The following ZNF540 variants were observed in gnomAD, a reference collection of about 807,000 sequenced individuals.
ZNF540 encodes the protein zinc finger protein 540.
ZNF540 carries 3 observed loss-of-function variants against 11.8 expected under a neutral mutation model. The ratio of observed to expected loss-of-function variants is 0.25; its 90% CI spans 0.12 to 0.65. ZNF540 has a LOEUF of 0.65. Among genes scored for constraint, ZNF540 ranks in the 30% least tolerant of loss-of-function variants. The pLI is 0.83. For missense variants in ZNF540, 709 were observed against 793.1 expected, an observed-to-expected ratio of 0.89 and a Z score of 1.27; for synonymous variants, 247 against 259.0, an observed-to-expected ratio of 0.95 and a Z score of 0.45.
chr19:37,576,843 T>C (rs2043259298), intron 1 of ZNF540, among the ~76,000 whole-genome samples: 1 of 152,140 alleles, frequency 6.6e-6, no homozygotes, highest in Non-Finnish European at 1.5e-5. Flanking sequence ...CAGAGTAACT[T>C]TGTTAATTCA....
intron 1 of ZNF540, chr19:37,560,876 G>A (rs1415491677): frequency 2.0e-5 from 3 of 151,828 alleles, no homozygotes; most frequent in African/African-American, 7.3e-5. Context: ...TGCTGAAAGA[G>A]TTAACAGTTA....
intron 1 of ZNF540, among the ~76,000 whole-genome samples, chr19:37,574,539 GAACTC>G (rs1355071150): frequency 6.6e-6 from 1 of 151,986 alleles, no homozygotes; most frequent in Non-Finnish European, 1.5e-5. Context: ...TATAACATTA[GAACTC>G]AACTAATAAC....
intron 1 of ZNF540, chr19:37,563,244 T>C (rs1471356970): frequency 3.3e-5 from 5 of 151,780 alleles, no homozygotes; most frequent in African/African-American, 7.3e-5. Context: ...GGTTGGAGGA[T>C]AGCTTGAGCC....
rs1290362936 is a variant in ZNF540, at chr19:37,611,734, G to A, written c.454G>A (p.Asp152Asn). Residue 152 changes from aspartate to asparagine, a missense_variant, in exon 5 of 5, where the codon GAT (aspartate) becomes AAT (asparagine). By Grantham distance (23) the Asp-to-Asn change is conservative. Coordinates refer to ENST00000316433, the MANE Select transcript of ZNF540 (RefSeq NM_001172225.3). Reference sequence around the variant, plus strand: ...AATCGTCTCTAAAAAAATGTCAACTGATAGAAAACGTCCCTCTTTTACTCT... The same window carrying A: ...AATCGTCTCTAAAAAAATGTCAACTAATAGAAAACGTCCCTCTTTTACTCT... ...KKIVSKKMST[D>N]RKRPSFTLNQ... The A allele has an allele frequency of 1.2e-6, 2 of 1,613,910 alleles. No individual in the cohort carries two copies. The highest frequency in any genetic ancestry group is 2.2e-5 in the South Asian group (2 of 91,060).
intron 1 of ZNF540, among the ~76,000 whole-genome samples, chr19:37,573,529 A>C (rs1416943134): frequency 6.6e-6 from 1 of 152,124 alleles, no homozygotes; most frequent in Non-Finnish European, 1.5e-5. Flanking sequence ...TTATCTACTA[A>C]TTGAAAATAA....
At chr19:37,606,042 C>T (rs994031849) in intron 4 of ZNF540, among the ~76,000 whole-genome samples, 10 of 152,154 alleles carry the variant, frequency 6.6e-5, no homozygotes, top group Non-Finnish European at 1.2e-4. Flanking sequence ...ACTTCCATCA[C>T]CCCCAAAACT....
chr19:37,593,538 CT>C (rs1445558161), upstream of ZNF540, among the ~76,000 whole-genome samples: 5 of 152,086 alleles, frequency 3.3e-5, no homozygotes, highest in Non-Finnish European at 5.9e-5. Context: ...CTCGTCTCTA[CT>C]AAAAACACAA....
intron 1 of ZNF540, among the ~76,000 whole-genome samples, chr19:37,573,001 ATC>A: frequency 1.3e-5 from 2 of 152,334 alleles, no homozygotes; most frequent in East Asian, 3.8e-4. Flanking sequence ...AGCTTCTTTC[ATC>A]ACATGATTGA....
chr19:37,552,012 GTTTC>G, intron 1 of ZNF540, among the ~76,000 whole-genome samples: 1 of 152,006 alleles, frequency 6.6e-6, no homozygotes, highest in Middle Eastern at 3.2e-3. Flanking sequence ...AGTCTCACCT[GTTTC>G]TTTAAGTGGG....
At chr19:37,580,514 G>A (rs2043417613) in intron 1 of ZNF540, among the ~76,000 whole-genome samples, 1 of 152,188 alleles carries the variant, frequency 6.6e-6, no homozygotes, top group African/African-American at 2.4e-5. Flanking sequence ...CATCTGCTAT[G>A]GTTTGGATGT....
intron 1 of ZNF540, among the ~76,000 whole-genome samples, chr19:37,583,289 T>C (rs911825777): frequency 6.6e-6 from 1 of 152,132 alleles, no homozygotes; most frequent in Non-Finnish European, 1.5e-5. Flanking sequence ...AGTTTAACTA[T>C]AAAAGAGCAA....
In ZNF540 at chr19:37,609,585, T is replaced by C. The variant is rs148542049; in HGVS notation, c.233-1928T>C. On this transcript the variant is annotated intron_variant, in intron 4 of 4. Transcript: ENST00000316433. ...TAGAGTGGCCGGGCGCAGTGGCTCA[T>C]GCCTGGAATCCCAGCTCTTTGGGAG... Among the ~76,000 whole-genome samples, 1,188 of 148,378 alleles carry C rather than the reference T, an allele frequency of 8.0e-3. 7 individuals carry two copies. The highest frequency in any genetic ancestry group is 0.014 in the Non-Finnish European group (913 of 67,422).
Position 37,569,896 on chromosome 19 carries a change from C to T in ZNF540, c.-73+18231C>T, listed in dbSNP as rs2042995490. On this transcript the variant is annotated intron_variant, in intron 1 of 4. Transcript: ENST00000592533. This position sits in a 1 kb window ranked among gnomAD's most constrained non-coding sequence, Gnocchi z 4.4. ...ACCATTGCACTTCCTGAGAAGCTGT[C>T]CCCAATCCCAGGCTCCTAGCAATGC... is the stretch of plus-strand genomic sequence containing the variant. 1 of 152,266 alleles carries T rather than the reference C, an allele frequency of 6.6e-6. No homozygotes were observed. The highest frequency in any genetic ancestry group is 1.5e-5 in the Non-Finnish European group (1 of 68,112). 9.4% of individuals were successfully genotyped at this position (152,266 alleles called of 1,614,324 possible). A position where few individuals can be genotyped will look rare whatever the true frequency, so the allele number is the denominator to read the frequency against.
intron 1 of ZNF540, among the ~76,000 whole-genome samples, chr19:37,553,716 A>G (rs2042632208): frequency 3.2e-5 from 1 of 31,112 alleles, no homozygotes; most frequent in African/African-American, 1.4e-4. Context: ...TACATATTAT[A>G]CCCTATCGTA....
chr19:37,611,195 ATT>A lies in ZNF540; in HGVS notation c.233-308_233-307del, dbSNP rs34748868. On this transcript the variant is annotated intron_variant, in intron 4 of 4. Coordinates refer to ENST00000316433, the MANE Select transcript of ZNF540 (RefSeq NM_001172225.3). Reference sequence around the variant, plus strand: ...TGCCATGATGCTCGGCCAATTTTGTATTTTTTTTTTTAGGAGAAATGGGGTTT... The same window carrying A: ...TGCCATGATGCTCGGCCAATTTTGTATTTTTTTTTAGGAGAAATGGGGTTT... 4.9e-3 allele frequency: 766 copies of A among 155,066 alleles called. 7 individuals are homozygous for A. The highest frequency in any genetic ancestry group is 0.014 in the African/African-American group (574 of 40,800). 9.6% of individuals were successfully genotyped at this position (155,066 alleles called of 1,614,324 possible).
intron 4 of ZNF540, 151 bp downstream of exon 4, chr19:37,601,256 C>G: frequency 3.5e-6 from 2 of 564,486 alleles, no homozygotes; most frequent in Non-Finnish European, 6.1e-6. Context: ...GGGAAGAAAA[C>G]AGATCATCTG....
At chr19:37,586,281 T>C (rs2043670666) in intron 1 of ZNF540, 2 of 170,404 alleles carry the variant, frequency 1.2e-5, no homozygotes, top group Admixed American at 6.3e-5. Context: ...TGCTATCACT[T>C]TCAAATGGAA....
At chr19:37,574,677 C>A (rs1191045273) in intron 1 of ZNF540, among the ~76,000 whole-genome samples, 1 of 152,116 alleles carries the variant, frequency 6.6e-6, no homozygotes, top group African/African-American at 2.4e-5. Context: ...AACATAGCAC[C>A]AGTTTTAGTA....
chr19:37,565,636 T>C lies in ZNF540; in HGVS notation c.-73+13971T>C, dbSNP rs77449431. 1.5e-3 allele frequency: 2,476 copies of C among 1,613,316 alleles called. 30 individuals are homozygous for C. In the African/African-American group the frequency reaches 0.028, roughly 18 times the overall value. ...GAATTCTCTGATGAAGAGTATATTG[T>C]GAACAATAACTAAAGGCTTTTCCAC... On this transcript the variant is annotated intron_variant, in intron 1 of 4. Transcript: ENST00000592533.
Sources: allele counts gnomAD v4.1 joint callset (sites outside exome capture counted in the v4.1 genomes callset), GRCh38; gene constraint gnomAD v4.1.1; non-coding constraint Gnocchi (gnomAD v3.1); transcripts MANE v1.5; gene names NCBI Gene and HGNC (gene_info 2026-07-23, HGNC 2026-07-21).